XKR4: variants seen among roughly 807,000 people sequenced by gnomAD.
The protein encoded by XKR4 is XK related 4, also known as XK-related protein 4.
XKR4 carries 12 observed loss-of-function variants against 53.9 expected under a neutral mutation model. The observed-to-expected ratio is 0.22, with a 90% CI of 0.14 to 0.36. The LOEUF is 0.36. Among genes scored for constraint, XKR4 ranks in the 10% least tolerant of loss-of-function variants. The pLI is 1.00. For missense variants in XKR4, 799 were observed against 859.5 expected (o/e 0.93, Z 0.88); for synonymous variants, 354 against 362.4 (o/e 0.98, Z 0.26).
intron 1 of XKR4, among the ~76,000 whole-genome samples, chr8:55,261,136 G>C (rs1818518709): frequency 6.6e-6 from 1 of 152,170 alleles, no homozygotes; most frequent in Non-Finnish European, 1.5e-5. Flanking sequence ...GAAAAGGAGA[G>C]GAAAGAAGAC....
intron 1 of XKR4, among the ~76,000 whole-genome samples, chr8:55,137,359 C>G (rs537811664): frequency 6.6e-6 from 1 of 152,120 alleles, no homozygotes; most frequent in East Asian, 1.9e-4. Context: ...CCATTATTTA[C>G]CAGTCAATTA....
chr8:55,455,052 A>G (rs977930876), intron 2 of XKR4: 32 of 727,646 alleles, frequency 4.4e-5, no homozygotes, highest in Admixed American at 2.4e-4. Context: ...TCCGGGAAGA[A>G]CTGCAGAATC....
chr8:55,431,472 C>T (rs1402771386), intron 2 of XKR4, among the ~76,000 whole-genome samples: 1 of 152,174 alleles, frequency 6.6e-6, no homozygotes, highest in East Asian at 1.9e-4. Context: ...ATTATCTTCA[C>T]CTTCAGTTTT....
At chr8:55,454,031 C>T in intron 2 of XKR4, 3 of 894,192 alleles carry the variant, frequency 3.4e-6, no homozygotes, top group South Asian at 1.4e-5. Flanking sequence ...GTGCAGGCAC[C>T]AGAGATAGCC....
chr8:55,381,284 C>T (rs1804229076), intron 2 of XKR4, among the ~76,000 whole-genome samples: 1 of 152,084 alleles, frequency 6.6e-6, no homozygotes, highest in Non-Finnish European at 1.5e-5. Context: ...ACTGAGAAAA[C>T]TTTTATCTTT....
intron 1 of XKR4, among the ~76,000 whole-genome samples, chr8:55,109,609 G>A (rs897326904): frequency 6.6e-6 from 1 of 152,060 alleles, no homozygotes; most frequent in Non-Finnish European, 1.5e-5. Context: ...TCTCTGTGGT[G>A]GGTATATCTC....
intron 2 of XKR4, chr8:55,450,762 C>T: frequency 3.5e-6 from 2 of 571,494 alleles, no homozygotes; most frequent in South Asian, 3.3e-5. Context: ...ACCCCTCCAG[C>T]GTTCAGTAGA....
chr8:55,406,959 G>C (rs1046336457), intron 2 of XKR4, among the ~76,000 whole-genome samples: 1 of 152,160 alleles, frequency 6.6e-6, no homozygotes, highest in Non-Finnish European at 1.5e-5. Context: ...TACCTTATAG[G>C]GGTTCTTAGT....
At chr8:55,198,962 G>T (rs930137516) in intron 1 of XKR4, among the ~76,000 whole-genome samples, 3 of 152,138 alleles carry the variant, frequency 2.0e-5, no homozygotes, top group African/African-American at 7.2e-5. Context: ...CCATCTTCCT[G>T]CATTTGGAAA....
At chr8:55,467,469 G>T (rs1043606763) in intron 2 of XKR4, among the ~76,000 whole-genome samples, 2 of 152,132 alleles carry the variant, frequency 1.3e-5, no homozygotes, top group Non-Finnish European at 2.9e-5. Context: ...GGAGTGGATT[G>T]CACATGTGTG....
At chr8:55,109,337 A>T (rs1169148682) in intron 1 of XKR4, among the ~76,000 whole-genome samples, 12 of 152,156 alleles carry the variant, frequency 7.9e-5, no homozygotes, top group Admixed American at 7.9e-4. Context: ...AACATATTAG[A>T]CTAACCTTTG....
intron 1 of XKR4, among the ~76,000 whole-genome samples, chr8:55,209,418 A>C (rs1817696457): frequency 6.6e-6 from 1 of 152,194 alleles, no homozygotes; most frequent in Non-Finnish European, 1.5e-5. Flanking sequence ...TCTGGAATTT[A>C]AACACAGACA....
At chr8:55,251,789 T>C (rs549829970) in intron 1 of XKR4, among the ~76,000 whole-genome samples, 10 of 152,318 alleles carry the variant, frequency 6.6e-5, no homozygotes, top group Non-Finnish European at 1.5e-4. Flanking sequence ...GCTTTATGAC[T>C]CCGCAAATGT....
At chr8:55,150,709 CTT>C (rs1480696800) in intron 1 of XKR4, among the ~76,000 whole-genome samples, 2 of 152,108 alleles carry the variant, frequency 1.3e-5, no homozygotes, top group African/African-American at 4.8e-5. Flanking sequence ...CTAAGCATCT[CTT>C]ATATAACATT....
intron 2 of XKR4, among the ~76,000 whole-genome samples, chr8:55,510,192 G>A (rs1335670523): frequency 6.6e-6 from 1 of 152,060 alleles, no homozygotes; most frequent in African/African-American, 2.4e-5. Flanking sequence ...CAGAGAGGAT[G>A]GAAAGGGACA....
chr8:55,461,806 C>T (rs1442417324), intron 2 of XKR4, among the ~76,000 whole-genome samples: 2 of 152,196 alleles, frequency 1.3e-5, no homozygotes, highest in Non-Finnish European at 2.9e-5. Flanking sequence ...AAAACCAAGG[C>T]ACGAGAACTA....
intron 1 of XKR4, among the ~76,000 whole-genome samples, chr8:55,326,319 C>A (rs1563324891): frequency 6.6e-6 from 1 of 152,224 alleles, no homozygotes; most frequent in African/African-American, 2.4e-5. Flanking sequence ...CTAGTTCTCA[C>A]AATAACCAGG....
At position 55,341,910 on chromosome 8, in the gene XKR4, G is replaced by A. The variant is rs145118682; in HGVS notation, c.807-15768G>A. ...GTAAGGATGCACAGGAAGACATTAA[G>A]GCTGGCACTGTAAGTGAGGGCAGTC... On this transcript the variant is annotated intron_variant, in intron 1 of 2. Transcript: ENST00000327381. Among the ~76,000 whole-genome samples, 5 of 152,154 alleles carry A rather than the reference G, an allele frequency of 3.3e-5. No homozygotes were observed. The South Asian group carries it at 8.3e-4, about 25-fold the overall frequency.
At chr8:55,152,511 AATGGT>A (rs1816852448) in intron 1 of XKR4, among the ~76,000 whole-genome samples, 1 of 152,182 alleles carries the variant, frequency 6.6e-6, no homozygotes, top group Non-Finnish European at 1.5e-5. Context: ...ATGATAAATG[AATGGT>A]CAGTCATTTA....
Sources: allele counts gnomAD v4.1 joint callset (sites outside exome capture counted in the v4.1 genomes callset), GRCh38; gene constraint gnomAD v4.1.1; transcripts MANE v1.5; gene names NCBI Gene and HGNC (gene_info 2026-07-23, HGNC 2026-07-21).